CSNK2A2: variants seen among roughly 807,000 people sequenced by gnomAD.
The protein encoded by CSNK2A2 is casein kinase 2 alpha 2, also known as casein kinase II subunit alpha'.
A neutral mutation model predicts 54.0 loss-of-function variants in CSNK2A2; 8 were observed. The ratio of observed to expected loss-of-function variants is 0.15; its 90% CI spans 0.09 to 0.27. The LOEUF (loss-of-function observed/expected upper bound fraction) is 0.27. Among genes scored for constraint, CSNK2A2 ranks in the 10% least tolerant of loss-of-function variants. The probability of loss-of-function intolerance (pLI) is 1.00; values close to 1 mark genes in which losing one functional copy is unlikely to be tolerated. For synonymous variants in CSNK2A2, 141 were observed against 153.9 expected (o/e 0.92, Z 0.62); for missense variants, 242 against 439.4 (o/e 0.55, Z 4.02).
At chr16:58,179,138 A>G (rs1362463795) in intron 4 of CSNK2A2, among the ~76,000 whole-genome samples, 1 of 152,222 alleles carries the variant, frequency 6.6e-6, no homozygotes, top group African/African-American at 2.4e-5. Flanking sequence ...TAGCGTATTT[A>G]CAAGTGACGT....
chr16:58,182,374 CAAAAAAAAAAAAAAAAAA>C (rs71155249), intron 4 of CSNK2A2, among the ~76,000 whole-genome samples: 4 of 25,738 alleles, frequency 1.6e-4, no homozygotes, highest in East Asian at 1.4e-3. Flanking sequence ...CTAAATATAC[CAAAAAAAAAAAAAAAAAA>C]AAAAAAAAAA....
At chr16:58,187,100 T>C (rs946222121) in intron 2 of CSNK2A2, among the ~76,000 whole-genome samples, 1 of 151,510 alleles carries the variant, frequency 6.6e-6, no homozygotes, top group Non-Finnish European at 1.5e-5. Flanking sequence ...GTAGTTACAT[T>C]GAGGGCACTT....
chr16:58,181,719 TGAGAACAAAGAAGAAAGGG>T (rs1465963941), intron 4 of CSNK2A2, among the ~76,000 whole-genome samples: 6 of 151,804 alleles, frequency 4.0e-5, no homozygotes, highest in Non-Finnish European at 7.4e-5. Context: ...TTCTGGAAAG[TGAGAACAAAGAAGAAAGGG>T]GAGAAAAATC....
At chr16:58,168,417 TA>T (rs1961632603) in intron 6 of CSNK2A2, among the ~76,000 whole-genome samples, 192 bp downstream of exon 6, 1 of 152,214 alleles carries the variant, frequency 6.6e-6, no homozygotes, top group Non-Finnish European at 1.5e-5. Context: ...TTACTATAGT[TA>T]AACCGTCTAC....
chr16:58,163,570 A>C (rs1961462456), intron 11 of CSNK2A2: 1 of 147,562 alleles, frequency 6.8e-6, no homozygotes, highest in South Asian at 2.1e-4. Context: ...TAAAGAGCTT[A>C]AAAAAAAAAT....
intron 5 of CSNK2A2, 43 bp downstream of exon 5, chr16:58,174,408 G>A: frequency 7.3e-7 from 1 of 1,363,782 alleles, no homozygotes; most frequent in African/African-American, 1.5e-5. Flanking sequence ...ATCTTTTAAT[G>A]AACAGGCCTG....
At chr16:58,166,535 C>G (rs1479334635) in intron 9 of CSNK2A2, 49 bp downstream of exon 9, 1 of 1,346,488 alleles carries the variant, frequency 7.4e-7, no homozygotes, top group African/African-American at 1.4e-5. Flanking sequence ...AACCTTTCCA[C>G]TTCTGAAACG....
intron 2 of CSNK2A2, among the ~76,000 whole-genome samples, chr16:58,194,462 C>T (rs953338628): frequency 3.9e-5 from 6 of 152,116 alleles, no homozygotes; most frequent in African/African-American, 1.4e-4. Context: ...GAAATGCCAC[C>T]GGGCTTTAAA....
intron 5 of CSNK2A2, among the ~76,000 whole-genome samples, chr16:58,171,922 G>A (rs1354928192): frequency 2.9e-5 from 4 of 139,836 alleles, no homozygotes; most frequent in African/African-American, 1.1e-4. Context: ...CTGAGTAGCT[G>A]GAACCATAGG....
chr16:58,171,271 T>C (rs1961727989), intron 5 of CSNK2A2, among the ~76,000 whole-genome samples: 1 of 152,108 alleles, frequency 6.6e-6, no homozygotes, highest in African/African-American at 2.4e-5. Flanking sequence ...ACGCCTGTAA[T>C]CCCAGCAGTT....
chr16:58,177,796 T>C (rs1236742203), intron 4 of CSNK2A2, among the ~76,000 whole-genome samples: 1 of 152,074 alleles, frequency 6.6e-6, no homozygotes, highest in Non-Finnish European at 1.5e-5. Context: ...GTGGGATACA[T>C]AAAGTCCAAG....
intron 11 of CSNK2A2, chr16:58,163,546 A>AATTTGTATTTGT (rs1253279186): frequency 6.6e-6 from 1 of 152,186 alleles, no homozygotes; most frequent in Non-Finnish European, 1.5e-5. Context: ...AAAAATACAT[A>AATTTGTATTTGT]AAACGTGGAT....
At chr16:58,167,173 CCA>C (rs1961590298) in intron 8 of CSNK2A2, 32 bp downstream of exon 8, 1 of 1,537,152 alleles carries the variant, frequency 6.5e-7, no homozygotes, top group African/African-American at 1.4e-5. Context: ...GCATTCACCC[CCA>C]AATAAATAAG....
In CSNK2A2 at chr16:58,197,031, A is replaced by T. The variant is rs1597129788; in HGVS notation, c.105-187T>A. ...GCTCCCTTCACTCTGCAGAGCTCCT[A>T]ACCTAATTGGTCTCTCCTAACTTGG... On this transcript the variant is annotated intron_variant, in intron 1 of 11. Coordinates refer to ENST00000262506, the MANE Select transcript of CSNK2A2 (RefSeq NM_001896.4). The surrounding 1 kb of genome is among the most constrained non-coding windows in gnomAD (Gnocchi z 4.0). 2 of 575,268 alleles carry T rather than the reference A, an allele frequency of 3.5e-6. No homozygotes were observed. Among genetic ancestry groups the T allele is most frequent in the East Asian group, 6.2e-5 (2 of 32,132 alleles). 35.6% of individuals were successfully genotyped at this position (575,268 alleles called of 1,614,324 possible). A position where few individuals can be genotyped will look rare whatever the true frequency, so the allele number is the denominator to read the frequency against.
At chr16:58,186,104 G>A (rs1218183375) in intron 3 of CSNK2A2, among the ~76,000 whole-genome samples, 4 of 152,244 alleles carry the variant, frequency 2.6e-5, no homozygotes, top group Admixed American at 1.3e-4. Flanking sequence ...CAAAAGTGGG[G>A]AGGTGAGGTG....
intron 4 of CSNK2A2, among the ~76,000 whole-genome samples, chr16:58,177,471 AC>A (rs1250165800): frequency 7.9e-5 from 12 of 152,224 alleles, no homozygotes; most frequent in Non-Finnish European, 1.6e-4. Flanking sequence ...GTGTAAAACC[AC>A]AGACACCCAC....
intron 10 of CSNK2A2, among the ~76,000 whole-genome samples, chr16:58,164,539 G>A (rs958834771): frequency 1.3e-5 from 2 of 152,152 alleles, no homozygotes; most frequent in Admixed American, 6.5e-5. Context: ...GCCATCAGAA[G>A]ACCTATCCAT....
Position 58,190,129 on chromosome 16 carries a change from G to GTC in CSNK2A2, c.217-3274_217-3273insGA, listed in dbSNP as rs1405407127. 6.6e-4 allele frequency among the ~76,000 whole-genome samples: 100 copies of GTC among 152,294 alleles called. 2 individuals carry two copies. The South Asian group carries it at 0.019, about 28-fold the overall frequency. On this transcript the variant is annotated intron_variant, in intron 2 of 11. Coordinates refer to ENST00000262506, the MANE Select transcript of CSNK2A2 (RefSeq NM_001896.4). ...CACAGTTTCACTCTGCATGCTAGAA[G>GTC]AAGTCTCCGTCTGGGGTTCATTTAT...
In CSNK2A2 at chr16:58,184,242, AAAG is replaced by A; in HGVS notation, c.369+15_369+17del. The A allele has an allele frequency of 6.3e-7, 1 of 1,594,774 alleles. No individual in the cohort carries two copies. The highest frequency in any genetic ancestry group is 8.6e-7 in the Non-Finnish European group (1 of 1,166,352). On this transcript the variant is annotated intron_variant, in intron 4 of 11. Coordinates refer to ENST00000262506, the MANE Select transcript of CSNK2A2 (RefSeq NM_001896.4). ...CCTCACCCCGTTAACCCCATGCCAG[AAAG>A]AAAAGCATACGCACCTTAAAATCTG...
Sources: allele counts gnomAD v4.1 joint callset (sites outside exome capture counted in the v4.1 genomes callset), GRCh38; gene constraint gnomAD v4.1.1; non-coding constraint Gnocchi (gnomAD v3.1); transcripts MANE v1.5; gene names NCBI Gene and HGNC (gene_info 2026-07-23, HGNC 2026-07-21).